Variants in MARK3 observed in about 807,000 individuals in gnomAD.
The protein encoded by MARK3 is microtubule affinity regulating kinase 3.
Under a neutral mutation model 90.1 loss-of-function variants are expected in MARK3, and 46 were observed. That is an observed-to-expected ratio of 0.51 (90% CI 0.40 to 0.65). MARK3 has a LOEUF of 0.65. Ranked by LOEUF, MARK3 falls within the 30% of genes least tolerant of loss-of-function variation. The probability of loss-of-function intolerance (pLI) is 0.00; values close to 1 mark genes in which losing one functional copy is unlikely to be tolerated. For synonymous variants in MARK3, 321 were observed against 332.6 expected (o/e 0.97, Z 0.38); for missense variants, 818 against 947.2 (o/e 0.86, Z 1.79).
chr14:103,453,698 T>C (rs777232940), intron 5 of MARK3, among the ~76,000 whole-genome samples: 5 of 152,228 alleles, frequency 3.3e-5, no homozygotes, highest in Non-Finnish European at 7.3e-5. Context: ...GGAGTTCTAA[T>C]ACTTTCTGTG....
intron 14 of MARK3, chr14:103,490,763 A>G (rs200535421): frequency 0.011 from 3 of 264 alleles, no homozygotes; most frequent in Non-Finnish European, 0.088. Flanking sequence ...TACTGTTTGG[A>G]AAAAAAAAAA....
intron 2 of MARK3, chr14:103,412,195 C>T: frequency 8.6e-7 from 1 of 1,158,842 alleles, no homozygotes; most frequent in Non-Finnish European, 1.2e-6. Context: ...TTTTCTCGAG[C>T]AGTGACACCA....
intron 14 of MARK3, among the ~76,000 whole-genome samples, chr14:103,481,409 T>TATGTTTGATCTCATTAGTCAAACAAA (rs1420128698): frequency 6.6e-6 from 1 of 152,196 alleles, no homozygotes; most frequent in East Asian, 1.9e-4. Context: ...AATCCTAACC[T>TATGTTTGATCTCATTAGTCAAACAAA]ATGTTTGATC....
Position 103,503,018 on chromosome 14 carries a change from G to T in MARK3, c.2053G>T (p.Ala685Ser), listed in dbSNP as rs75106537. Reference protein sequence around the residue: ...MMREIRKVLDANNCDYEQRER... With the variant: ...MMREIRKVLDSNNCDYEQRER... ...GCGGGAAATCCGCAAAGTGTTGGACGCCAATAACTGCGACTATGAGCAGAG... is the reference window on the plus strand; with the variant it reads ...GCGGGAAATCCGCAAAGTGTTGGACTCCAATAACTGCGACTATGAGCAGAG... Residue 685 changes from alanine (A) to serine (S), a missense_variant, in exon 18 of 18, where the codon GCC becomes TCC. Coordinates refer to ENST00000429436, the MANE Select transcript of MARK3 (RefSeq NM_001128918.3). The T allele has an allele frequency of 6.2e-7, 1 of 1,614,130 alleles. No individual in the cohort carries two copies. Among genetic ancestry groups the T allele is most frequent in the Non-Finnish European group, 8.5e-7 (1 of 1,180,052 alleles).
chr14:103,415,147 T>G (rs1023588583), intron 2 of MARK3, among the ~76,000 whole-genome samples: 1 of 45,874 alleles, frequency 2.2e-5, no homozygotes, highest in African/African-American at 1.2e-4. Flanking sequence ...TAAGACCTTG[T>G]CTCAAAAAAA....
intron 17 of MARK3, among the ~76,000 whole-genome samples, chr14:103,501,900 G>A (rs531852657): frequency 9.2e-5 from 14 of 152,262 alleles, no homozygotes; most frequent in African/African-American, 2.9e-4. Context: ...TTGGTGACAC[G>A]GAGAGCTATG....
intron 1 of MARK3, among the ~76,000 whole-genome samples, chr14:103,387,749 C>T (rs1004646045): frequency 2.6e-5 from 4 of 151,988 alleles, no homozygotes; most frequent in African/African-American, 9.7e-5. Context: ...CGCCTCGGCT[C>T]CCCAAAGTGC....
intron 3 of MARK3, among the ~76,000 whole-genome samples, chr14:103,436,343 G>GTGAA (rs1182287753): frequency 6.6e-6 from 1 of 151,634 alleles, no homozygotes; most frequent in Non-Finnish European, 1.5e-5. Flanking sequence ...TCTCTATTGG[G>GTGAA]TGAAGCACAA....
In MARK3 at chr14:103,466,354, G is replaced by A; in HGVS notation, c.909G>A (p.Lys303=). ...TTTACCTTTTTTAGCAAATCATGAAGGACAGGTGGATCAATGCAGGGCATG... is the reference window on the plus strand; with the variant it reads ...TTTACCTTTTTTAGCAAATCATGAAAGACAGGTGGATCAATGCAGGGCATG... The part of the protein sequence containing the change: ...IKRGTLEQIM[K]DRWINAGHEE... The change falls in exon 10 of 18, where the codon AAG becomes AAA. Residue 303 remains lysine (K), a synonymous_variant. Transcript: ENST00000429436. 1.2e-6 allele frequency: 2 copies of A among 1,612,278 alleles called. No individual in the cohort carries two copies. Among genetic ancestry groups the A allele is most frequent in the Non-Finnish European group, 1.7e-6 (2 of 1,178,598 alleles).
intron 13 of MARK3, among the ~76,000 whole-genome samples, chr14:103,479,266 C>T (rs1032410917): frequency 6.6e-6 from 1 of 152,290 alleles, no homozygotes; most frequent in Non-Finnish European, 1.5e-5. Flanking sequence ...CTCCTAGGCT[C>T]AAGCAGACAT....
rs1361974105 is a variant in MARK3 at position 103,415,574 on chromosome 14, T to TA, written c.243+10308dup. ...TGACCAACTTTTCATAGCTTATGGT[T>TA]ATTTTGGTGTGAAATATTGCCTGTT... On this transcript the variant is annotated intron_variant, in intron 2 of 17. Coordinates refer to ENST00000429436, the MANE Select transcript of MARK3 (RefSeq NM_001128918.3). 1.4e-4 allele frequency among the ~76,000 whole-genome samples: 21 copies of TA among 152,328 alleles called. No individual in the cohort carries two copies. The East Asian group carries it at 3.5e-3, about 25-fold the overall frequency.
At chr14:103,488,691 C>CA (rs371241362) in intron 14 of MARK3, among the ~76,000 whole-genome samples, 2 of 152,104 alleles carry the variant, frequency 1.3e-5, no homozygotes, top group East Asian at 1.9e-4. Context: ...ACCATCTCTA[C>CA]AAAAAATTTA....
chr14:103,479,229 A>G (rs140229651), intron 13 of MARK3, among the ~76,000 whole-genome samples: 1 of 151,770 alleles, frequency 6.6e-6, no homozygotes, highest in East Asian at 2.0e-4. Context: ...AGGTCTCCCT[A>G]TGTAGCCCAG....
intron 3 of MARK3, among the ~76,000 whole-genome samples, chr14:103,436,951 G>A (rs2092730404): frequency 6.6e-6 from 1 of 152,140 alleles, no homozygotes; most frequent in Admixed American, 6.5e-5. Flanking sequence ...AAATTAGCCA[G>A]GTGTGGTGGC....
chr14:103,413,987 A>G (rs2091815861), intron 2 of MARK3, among the ~76,000 whole-genome samples: 1 of 152,200 alleles, frequency 6.6e-6, no homozygotes, highest in Non-Finnish European at 1.5e-5. Flanking sequence ...GTGTTTGGCA[A>G]TTATGAATAG....
intron 16 of MARK3, 27 bp from the exon 17 acceptor site, chr14:103,500,129 C>T (rs780957379): frequency 4.1e-5 from 66 of 1,594,948 alleles, no homozygotes; most frequent in Admixed American, 1.7e-5. Context: ...TCCCTCTTCT[C>T]TCTGCTTCTA....
At chr14:103,431,373 C>T (rs946088553) in intron 3 of MARK3, among the ~76,000 whole-genome samples, 4 of 152,098 alleles carry the variant, frequency 2.6e-5, no homozygotes, top group East Asian at 1.9e-4. Context: ...TGGGATTACA[C>T]GTGTGAGCCA....
At chr14:103,433,524 T>G (rs1024447746) in intron 3 of MARK3, among the ~76,000 whole-genome samples, 21 of 152,048 alleles carry the variant, frequency 1.4e-4, no homozygotes, top group East Asian at 5.9e-4. Flanking sequence ...TGAAACTGCA[T>G]CTCTACTAAA....
intron 13 of MARK3, 103 bp downstream of exon 13, chr14:103,475,313 CCT>C: frequency 2.2e-6 from 2 of 903,204 alleles, no homozygotes; most frequent in South Asian, 1.5e-5. Flanking sequence ...ACTGGAATGC[CCT>C]CTCTACTAGG....
Sources: allele counts gnomAD v4.1 joint callset (sites outside exome capture counted in the v4.1 genomes callset), GRCh38; gene constraint gnomAD v4.1.1; transcripts MANE v1.5; gene names NCBI Gene and HGNC (gene_info 2026-07-23, HGNC 2026-07-21).